Variants in CD96 observed in about 807,000 individuals in gnomAD.
CD96 encodes the protein T-cell surface protein tactile.
CD96 carries 70 observed loss-of-function variants against 71.3 expected under a neutral mutation model. The observed-to-expected ratio is 0.98, with a 90% CI of 0.81 to 1.20. The LOEUF is 1.20. CD96 is among the 50% of genes most tolerant of loss of function. The probability of loss-of-function intolerance (pLI) is 0.00; values close to 1 mark genes in which losing one functional copy is unlikely to be tolerated. For synonymous variants in CD96, 248 were observed against 233.0 expected (o/e 1.06, Z -0.59); for missense variants, 742 against 677.5 (o/e 1.10, Z -1.06).
At chr3:111,575,996 C>G (rs760679230) in intron 3 of CD96, among the ~76,000 whole-genome samples, 55 of 152,248 alleles carry the variant, frequency 3.6e-4, no homozygotes, top group African/African-American at 1.3e-3. Context: ...TAGCCAGGCA[C>G]ATAGTGAATA....
intron 4 of CD96, among the ~76,000 whole-genome samples, chr3:111,585,032 TC>T (rs1428539616): frequency 1.3e-5 from 2 of 152,320 alleles, no homozygotes; most frequent in East Asian, 3.9e-4. Flanking sequence ...ATGTCCTTAA[TC>T]ATTGCACTTA....
intron 5 of CD96, chr3:111,593,170 C>A: frequency 1.8e-5 from 3 of 169,998 alleles, no homozygotes; most frequent in South Asian, 1.7e-4. Flanking sequence ...AGCTACCTAA[C>A]CAGCCTCAGC....
chr3:111,606,932 C>T (rs1937647867), intron 8 of CD96, 140 bp downstream of exon 8: 3 of 702,232 alleles, frequency 4.3e-6, no homozygotes, highest in Non-Finnish European at 7.8e-6. Context: ...TTTTTAACAG[C>T]TTTATTGAGA....
chr3:111,554,450 G>C (rs1934882973), intron 2 of CD96, among the ~76,000 whole-genome samples: 1 of 151,786 alleles, frequency 6.6e-6, no homozygotes, highest in African/African-American at 2.4e-5. Flanking sequence ...ATCTTTGTTG[G>C]ATAACTCCAA....
At chr3:111,556,189 T>C (rs1270567230) in intron 2 of CD96, among the ~76,000 whole-genome samples, 1 of 152,260 alleles carries the variant, frequency 6.6e-6, no homozygotes, top group Non-Finnish European at 1.5e-5. Context: ...ATACTTTGAA[T>C]AGACTAATAA....
chr3:111,587,100 C>T (rs184532399), intron 5 of CD96, among the ~76,000 whole-genome samples: 1 of 152,058 alleles, frequency 6.6e-6, no homozygotes, highest in East Asian at 1.9e-4. Context: ...AGACATTGGC[C>T]AAAACAAGTC....
At chr3:111,555,898 G>C (rs1395051475) in intron 2 of CD96, among the ~76,000 whole-genome samples, 1 of 152,266 alleles carries the variant, frequency 6.6e-6, no homozygotes, top group Non-Finnish European at 1.5e-5. Context: ...CCTGTTTCAT[G>C]TATGTTACCA....
chr3:111,555,141 C>T (rs928441786), intron 2 of CD96, among the ~76,000 whole-genome samples: 15 of 143,476 alleles, frequency 1.0e-4, no homozygotes, highest in African/African-American at 2.4e-4. Flanking sequence ...TAACAGGCCA[C>T]GGACAAGTAC....
Position 111,588,548 on chromosome 3 carries a change from A to G in CD96, c.807+3170A>G, listed in dbSNP as rs575086682. ...CAAAGTTGCATCCACATTTTTGGTT[A>G]TTTTTTCAGCAGTGCCCACTCTTCT... On this transcript the variant is annotated intron_variant, in intron 5 of 13. Coordinates refer to ENST00000352690, the MANE Select transcript of CD96 (RefSeq NM_005816.5). Among the ~76,000 whole-genome samples the G allele has an allele frequency of 4.6e-5, 7 of 152,146 alleles. No homozygotes were observed. In the East Asian group the frequency reaches 1.3e-3, roughly 29 times the overall value.
intron 2 of CD96, among the ~76,000 whole-genome samples, chr3:111,562,700 G>A (rs1238961772): frequency 1.3e-5 from 2 of 152,186 alleles, no homozygotes; most frequent in South Asian, 2.1e-4. Flanking sequence ...TGTCAATCAG[G>A]GAGTGCATTC....
At chr3:111,593,866 C>T (rs1451718596) in intron 5 of CD96, 1 of 1,613,876 alleles carries the variant, frequency 6.2e-7, no homozygotes, top group Non-Finnish European at 8.5e-7. Context: ...CATGGCCACT[C>T]TTCTCCAGCT....
chr3:111,577,538 A>G, intron 3 of CD96: 1 of 1,599,042 alleles, frequency 6.3e-7, no homozygotes, highest in Non-Finnish European at 8.6e-7. Context: ...CCTTCTTTCT[A>G]AGGGTATAAA....
intron 12 of CD96, among the ~76,000 whole-genome samples, chr3:111,638,448 A>G (rs1407402463): frequency 6.6e-6 from 1 of 152,234 alleles, no homozygotes; most frequent in Non-Finnish European, 1.5e-5. Flanking sequence ...GTGAGGATAT[A>G]CTTAAATTAA....
chr3:111,628,993 T>C (rs138162656), intron 10 of CD96, among the ~76,000 whole-genome samples: 28 of 152,304 alleles, frequency 1.8e-4, no homozygotes, highest in Admixed American at 3.9e-4. Flanking sequence ...AGATCTGCTT[T>C]AGAAGAGGTC....
chr3:111,581,227 G>A (rs1359486267), intron 4 of CD96, among the ~76,000 whole-genome samples: 1 of 152,052 alleles, frequency 6.6e-6, no homozygotes, highest in African/African-American at 2.4e-5. Flanking sequence ...GATTTTTCGT[G>A]CTTCCTGGTT....
At chr3:111,624,886 G>A (rs758010116) in intron 10 of CD96, among the ~76,000 whole-genome samples, 1 of 152,204 alleles carries the variant, frequency 6.6e-6, no homozygotes, top group Admixed American at 6.5e-5. Flanking sequence ...TTTTAATCTG[G>A]CCAACTAGCA....
At chr3:111,665,487 C>G (rs139076670) in intron 14 of CD96, 1 of 152,168 alleles carries the variant, frequency 6.6e-6, no homozygotes, top group Non-Finnish European at 1.5e-5. Flanking sequence ...CCCATAAGTT[C>G]GCTGTTTTTA....
chr3:111,664,099 C>T (rs1375303795), intron 14 of CD96, among the ~76,000 whole-genome samples: 1 of 152,214 alleles, frequency 6.6e-6, no homozygotes, highest in Non-Finnish European at 1.5e-5. Context: ...GGAAAGCAGT[C>T]TGCATATTTC....
downstream of CD96, among the ~76,000 whole-genome samples, chr3:111,655,036 G>A (rs1001022394): frequency 2.6e-5 from 4 of 152,188 alleles, no homozygotes; most frequent in African/African-American, 9.7e-5. Context: ...AAGATGATCA[G>A]GGATCTGAGA....
Sources: gnomAD v4.1 joint callset for allele counts (sites outside exome capture counted in the v4.1 genomes callset) on GRCh38, gnomAD v4.1.1 for gene constraint, MANE v1.5 for transcripts, NCBI Gene and HGNC (gene_info 2026-07-23, HGNC 2026-07-21) for gene names.